The following GPC5 variants were observed in gnomAD, a reference collection of about 807,000 sequenced individuals.
The protein encoded by GPC5 is glypican-5.
A neutral mutation model predicts 53.9 loss-of-function variants in GPC5; 47 were observed. That is an observed-to-expected ratio of 0.87 (90% confidence interval 0.69 to 1.11). GPC5 has a LOEUF of 1.11. GPC5 is among the 50% of genes most tolerant of loss of function. GPC5 has a pLI of 0.00. For synonymous variants in GPC5, 286 were observed against 263.3 expected (o/e 1.09, Z -0.84); for missense variants, 748 against 713.1 (o/e 1.05, Z -0.56).
chr13:92,137,965 C>T (rs1318609104), intron 6 of GPC5, among the ~76,000 whole-genome samples: 1 of 152,120 alleles, frequency 6.6e-6, no homozygotes, highest in Non-Finnish European at 1.5e-5. Flanking sequence ...ATAAAAAATG[C>T]ATCATTCTGG....
chr13:91,466,088 G>C (rs890446788), intron 2 of GPC5, among the ~76,000 whole-genome samples: 1 of 152,140 alleles, frequency 6.6e-6, no homozygotes, highest in African/African-American at 2.4e-5. Flanking sequence ...GCCAGGCCAC[G>C]AGCCAAGGCC....
At chr13:91,768,491 C>A (rs1402658902) in intron 5 of GPC5, among the ~76,000 whole-genome samples, 3 of 151,856 alleles carry the variant, frequency 2.0e-5, no homozygotes, top group South Asian at 4.2e-4. Flanking sequence ...AACACACACA[C>A]AAAAATAATT....
At chr13:92,520,912 C>T (rs1437645288) in intron 7 of GPC5, among the ~76,000 whole-genome samples, 5 of 152,030 alleles carry the variant, frequency 3.3e-5, no homozygotes, top group South Asian at 4.1e-4. Context: ...CTCCTTAAGC[C>T]GATAAGCAAC....
At chr13:91,885,135 T>C (rs1177545596) in intron 5 of GPC5, among the ~76,000 whole-genome samples, 3 of 152,168 alleles carry the variant, frequency 2.0e-5, no homozygotes, top group African/African-American at 7.2e-5. Flanking sequence ...ACATTAATGT[T>C]GATTATTTTT....
At chr13:91,634,217 G>A (rs113684128) in intron 2 of GPC5, among the ~76,000 whole-genome samples, 5,734 of 152,068 alleles carry the variant, frequency 0.038, 131 homozygotes, top group Non-Finnish European at 0.062. Flanking sequence ...TGCTAAGGTT[G>A]ATTAGGCATA....
At chr13:92,699,005 A>C (rs1887644982) in intron 7 of GPC5, among the ~76,000 whole-genome samples, 1 of 152,154 alleles carries the variant, frequency 6.6e-6, no homozygotes, top group African/African-American at 2.4e-5. Context: ...AAATGGTACC[A>C]GCTCGTTTTT....
chr13:91,681,471 A>G (rs928603007), intron 2 of GPC5, among the ~76,000 whole-genome samples: 2 of 152,234 alleles, frequency 1.3e-5, no homozygotes, highest in Non-Finnish European at 2.9e-5. Flanking sequence ...TAGCTCTTCC[A>G]TCATTCCTAG....
At chr13:91,747,633 T>G (rs1413919608) in intron 4 of GPC5, among the ~76,000 whole-genome samples, 3 of 98,568 alleles carry the variant, frequency 3.0e-5, no homozygotes, top group Non-Finnish European at 6.4e-5. Context: ...ATTGTAGCGA[T>G]GTATCTGGTT....
In GPC5 at chr13:92,815,174, T is replaced by C. The variant is rs994965187; in HGVS notation, c.1562-51108T>C. Among the ~76,000 whole-genome samples, 17 of 151,910 alleles carry C rather than the reference T, an allele frequency of 1.1e-4. 1 individual carries two copies. Among genetic ancestry groups the C allele is most frequent in the African/African-American group, 2.9e-4 (12 of 41,236 alleles). ...AAAGAAAGAAAAACATATAATACAA[T>C]GCCAGGTAGCAGTAACTGCTATGAA... is the stretch of plus-strand genomic sequence containing the variant. On this transcript the variant is annotated intron_variant, in intron 7 of 7. Transcript: ENST00000377067.
intron 7 of GPC5, among the ~76,000 whole-genome samples, chr13:92,858,182 T>C (rs1378112619): frequency 6.6e-6 from 1 of 152,134 alleles, no homozygotes; most frequent in African/African-American, 2.4e-5. Flanking sequence ...CCCTGTGTCA[T>C]GGGAGGGACC....
intron 7 of GPC5, among the ~76,000 whole-genome samples, chr13:92,415,273 G>C (rs1001702783): frequency 1.3e-5 from 2 of 152,198 alleles, no homozygotes; most frequent in Non-Finnish European, 2.9e-5. Context: ...ACACTCCAGA[G>C]AGTGGAGTGA....
chr13:92,429,462 AT>A (rs1876988724), intron 7 of GPC5, among the ~76,000 whole-genome samples: 1 of 151,688 alleles, frequency 6.6e-6, no homozygotes, highest in Admixed American at 6.6e-5. Flanking sequence ...TAATTTAATA[AT>A]ATTTCTCTAC....
intron 6 of GPC5, among the ~76,000 whole-genome samples, chr13:92,125,210 A>C (rs2041685067): frequency 6.6e-6 from 1 of 152,196 alleles, no homozygotes; most frequent in Non-Finnish European, 1.5e-5. Flanking sequence ...TGAATTTGGA[A>C]ATAAATAATT....
intron 5 of GPC5, among the ~76,000 whole-genome samples, chr13:91,827,013 T>A (rs1367879566): frequency 6.6e-6 from 1 of 151,956 alleles, no homozygotes; most frequent in Non-Finnish European, 1.5e-5. Context: ...ATCTAGTGTT[T>A]GGTAGCATAA....
intron 5 of GPC5, among the ~76,000 whole-genome samples, chr13:91,847,339 T>A (rs1356014627): frequency 1.3e-5 from 2 of 152,116 alleles, no homozygotes; most frequent in Non-Finnish European, 1.5e-5. Flanking sequence ...GGTTTCTATA[T>A]GTATCTTTAT....
intron 7 of GPC5, among the ~76,000 whole-genome samples, chr13:92,862,927 C>G (rs1879228738): frequency 6.6e-6 from 1 of 152,014 alleles, no homozygotes; most frequent in Non-Finnish European, 1.5e-5. Context: ...GGAAAATACC[C>G]ACACTCTCCT....
intron 2 of GPC5, among the ~76,000 whole-genome samples, chr13:91,454,799 C>T (rs1881422376): frequency 6.6e-6 from 1 of 152,114 alleles, no homozygotes; most frequent in South Asian, 2.1e-4. Context: ...TCTAGATTCA[C>T]CTGCTTTTTA....
intron 7 of GPC5, among the ~76,000 whole-genome samples, chr13:92,186,119 G>A (rs1363648736): frequency 6.6e-6 from 1 of 152,054 alleles, no homozygotes; most frequent in Admixed American, 6.6e-5. Context: ...TCCTAACAGA[G>A]TTGCTGCTCA....
Position 92,573,939 on chromosome 13 carries a change from C to A in GPC5, c.1562-292343C>A, listed in dbSNP as rs553386709. ...TGCATCAGATCTGGTCTGGGCAAACCGACGAAGTTCTCCGTCATCCAGTGA... is the reference window on the plus strand; with the variant it reads ...TGCATCAGATCTGGTCTGGGCAAACAGACGAAGTTCTCCGTCATCCAGTGA... On this transcript the variant is annotated intron_variant, in intron 7 of 7. Transcript: ENST00000377067. Among the ~76,000 whole-genome samples, 9 of 152,202 alleles carry A rather than the reference C, an allele frequency of 5.9e-5. No homozygotes were observed. In the East Asian group the frequency reaches 1.7e-3, roughly 29 times the overall value.
Sources: allele counts gnomAD v4.1 joint callset (sites outside exome capture counted in the v4.1 genomes callset), GRCh38; gene constraint gnomAD v4.1.1; transcripts MANE v1.5; gene names NCBI Gene and HGNC (gene_info 2026-07-23, HGNC 2026-07-21).